Variants in TANGO6 observed in about 807,000 individuals in gnomAD.
The protein encoded by TANGO6 is transport and Golgi organization protein 6 homolog.
Under a neutral mutation model 114.2 loss-of-function variants are expected in TANGO6, and 90 were observed. That is an observed-to-expected ratio of 0.79 (90% CI 0.66 to 0.94). The LOEUF is 0.94. Among genes scored for constraint, TANGO6 ranks in the 40% least tolerant of loss-of-function variants. The pLI, the probability that TANGO6 is intolerant of heterozygous loss-of-function variation, is 0.00. For synonymous variants in TANGO6, 477 were observed against 509.8 expected, an observed-to-expected ratio of 0.94 and a Z score of 0.87; for missense variants, 1,274 against 1,315.3, an observed-to-expected ratio of 0.97 and a Z score of 0.49.
At chr16:68,986,658 C>G (rs1016467974) in intron 15 of TANGO6, among the ~76,000 whole-genome samples, 2 of 152,088 alleles carry the variant, frequency 1.3e-5, no homozygotes, top group Admixed American at 6.6e-5. Context: ...GTAATCCCAG[C>G]ACTTTGGGAG....
intron 7 of TANGO6, among the ~76,000 whole-genome samples, chr16:68,882,281 G>A (rs1166448015): frequency 6.6e-6 from 1 of 152,020 alleles, no homozygotes; most frequent in African/African-American, 2.4e-5. Flanking sequence ...CAGATCACGA[G>A]GTCAGGAGAT....
chr16:69,051,091 TATA>T (rs1437588084), intron 17 of TANGO6, among the ~76,000 whole-genome samples: 1 of 151,730 alleles, frequency 6.6e-6, no homozygotes, highest in Non-Finnish European at 1.5e-5. Flanking sequence ...TAATTTAAAA[TATA>T]ATGTAATTAA....
At chr16:68,909,153 A>T in intron 10 of TANGO6, 58 bp from the exon 11 acceptor site, 2 of 1,283,166 alleles carry the variant, frequency 1.6e-6, no homozygotes, top group Non-Finnish European at 2.0e-6. Context: ...CTTATGTTTG[A>T]GAAGGCCTTA....
At chr16:68,934,896 T>C (rs1260748717) in intron 14 of TANGO6, among the ~76,000 whole-genome samples, 1 of 152,072 alleles carries the variant, frequency 6.6e-6, no homozygotes, top group Non-Finnish European at 1.5e-5. Flanking sequence ...CAGCTGTTGG[T>C]GTTGTGTTTG....
chr16:68,920,935 A>C (rs1316512886), intron 12 of TANGO6, among the ~76,000 whole-genome samples: 4 of 151,482 alleles, frequency 2.6e-5, no homozygotes, highest in Admixed American at 2.6e-4. Flanking sequence ...AACACAGTGA[A>C]ACTCCGTCTC....
chr16:69,080,972 A>T (rs1960456446), intron 17 of TANGO6, among the ~76,000 whole-genome samples: 1 of 151,974 alleles, frequency 6.6e-6, no homozygotes, highest in Admixed American at 6.6e-5. Context: ...CCCTGTCTCT[A>T]CTAAAAATAC....
chr16:69,054,210 T>C (rs141643380), intron 17 of TANGO6, among the ~76,000 whole-genome samples: 32 of 152,226 alleles, frequency 2.1e-4, no homozygotes, highest in Non-Finnish European at 4.6e-4. Flanking sequence ...ACCATCGCAC[T>C]CTCATCTGTG....
intron 9 of TANGO6, among the ~76,000 whole-genome samples, chr16:68,904,640 G>T (rs537654854): frequency 2.6e-4 from 39 of 151,960 alleles, no homozygotes; most frequent in African/African-American, 9.4e-4. Context: ...TTATGTCATT[G>T]GTCACTGAAA....
At position 69,005,520 on chromosome 16, in the gene TANGO6, G is replaced by T. The variant is rs1033746270; in HGVS notation, c.2843-17308G>T. The stretch of plus-strand genomic sequence containing the variant: ...TTAACAAAAGGTAGCGGCCAGGCAC[G>T]GTGGCTCATGCCTGTAATCTCAGGA... On this transcript the variant is annotated intron_variant, in intron 15 of 17. Coordinates refer to ENST00000261778, the MANE Select transcript of TANGO6 (RefSeq NM_024562.2). Among the ~76,000 whole-genome samples the T allele has an allele frequency of 7.2e-5, 11 of 152,078 alleles. 1 individual carries two copies. Among genetic ancestry groups the T allele is most frequent in the Admixed American group, 4.6e-4 (7 of 15,256 alleles).
chr16:69,021,819 T>G (rs1200933880), intron 15 of TANGO6, among the ~76,000 whole-genome samples: 1 of 152,060 alleles, frequency 6.6e-6, no homozygotes, highest in East Asian at 1.9e-4. Flanking sequence ...GCTGGGTTTG[T>G]GAAAGTTTAT....
intron 1 of TANGO6, among the ~76,000 whole-genome samples, chr16:68,856,679 A>G (rs973711176): frequency 6.6e-6 from 1 of 152,212 alleles, no homozygotes; most frequent in Non-Finnish European, 1.5e-5. Flanking sequence ...ATGTTGATAC[A>G]TTGTTATTAA....
chr16:68,963,394 G>T (rs920482853), intron 14 of TANGO6, among the ~76,000 whole-genome samples: 49 of 152,142 alleles, frequency 3.2e-4, no homozygotes, highest in Non-Finnish European at 5.7e-4. Flanking sequence ...TGGGATTACA[G>T]GTGTGAACCA....
chr16:68,960,839 C>A (rs1963581903), intron 14 of TANGO6, among the ~76,000 whole-genome samples: 1 of 152,062 alleles, frequency 6.6e-6, no homozygotes, highest in Non-Finnish European at 1.5e-5. Context: ...AGTGTAGTAG[C>A]ACAAGAGATT....
intron 14 of TANGO6, among the ~76,000 whole-genome samples, chr16:68,943,573 G>T (rs1456373851): frequency 2.0e-5 from 3 of 152,004 alleles, no homozygotes; most frequent in Non-Finnish European, 4.4e-5. Context: ...CACCATGTCA[G>T]CCAGGATGGT....
rs182922880 is a variant in TANGO6 at position 68,882,902 on chromosome 16, G to C, written c.1377+2272G>C. Among the ~76,000 whole-genome samples the C allele has an allele frequency of 9.9e-5, 15 of 152,016 alleles. No individual in the cohort carries two copies. In the South Asian group the frequency reaches 1.2e-3, roughly 13 times the overall value. On this transcript the variant is annotated intron_variant, in intron 7 of 17. Coordinates refer to ENST00000261778, the MANE Select transcript of TANGO6 (RefSeq NM_024562.2). ...ACGTTGTGGTACGCGCCTGTAGTCCGAGCTACTCAGGAGGCTGAGGCAGGA... is the reference window on the plus strand; with the variant it reads ...ACGTTGTGGTACGCGCCTGTAGTCCCAGCTACTCAGGAGGCTGAGGCAGGA...
chr16:69,007,822 G>T (rs184036633), intron 15 of TANGO6, among the ~76,000 whole-genome samples: 2 of 152,174 alleles, frequency 1.3e-5, no homozygotes, highest in Admixed American at 1.3e-4. Flanking sequence ...ATTATTGTCT[G>T]CCCTTTTGAT....
chr16:69,077,673 A>T (rs1041710338), intron 17 of TANGO6, among the ~76,000 whole-genome samples: 1 of 152,178 alleles, frequency 6.6e-6, no homozygotes, highest in South Asian at 2.1e-4. Flanking sequence ...TACTAAAAAT[A>T]CAAAAATTAG....
chr16:68,887,856 G>A (rs1178312875), intron 7 of TANGO6, among the ~76,000 whole-genome samples: 2 of 152,130 alleles, frequency 1.3e-5, no homozygotes, highest in African/African-American at 2.4e-5. Context: ...TCCAGCCTGG[G>A]CAACAGAGAG....
chr16:68,908,393 C>T (rs1320569846), intron 10 of TANGO6, among the ~76,000 whole-genome samples: 1 of 151,992 alleles, frequency 6.6e-6, no homozygotes, highest in Non-Finnish European at 1.5e-5. Context: ...TAATTGTATA[C>T]TTAAAAAAAG....
Sources: allele counts gnomAD v4.1 joint callset (sites outside exome capture counted in the v4.1 genomes callset), GRCh38; gene constraint gnomAD v4.1.1; transcripts MANE v1.5; gene names NCBI Gene and HGNC (gene_info 2026-07-23, HGNC 2026-07-21).